The following WAPL variants were observed in gnomAD, a reference collection of about 807,000 sequenced individuals.
WAPL encodes the protein WAPL cohesin release factor.
In WAPL, 5 loss-of-function variants were observed where a neutral mutation model predicts 121.0. The ratio of observed to expected loss-of-function variants is 0.04; its 90% confidence interval spans 0.02 to 0.09. WAPL has a LOEUF of 0.09. Ranked by LOEUF, WAPL falls within the 10% of genes least tolerant of loss-of-function variation. The pLI, the probability that WAPL is intolerant of heterozygous loss-of-function variation, is 1.00. For missense variants in WAPL, 999 were observed against 1,410.8 expected (o/e 0.71, Z 4.68); for synonymous variants, 480 against 481.5 (o/e 1.00, Z 0.04).
intron 9 of WAPL, 95 bp from the exon 10 acceptor site, chr10:86,461,382 G>GTAAA: frequency 5.9e-6 from 5 of 851,792 alleles, no homozygotes; most frequent in Non-Finnish European, 9.3e-6. Flanking sequence ...GCTACATGTA[G>GTAAA]TTTAACACCA....
At chr10:86,484,285 C>T (rs1240280692) in intron 4 of WAPL, among the ~76,000 whole-genome samples, 1 of 152,142 alleles carries the variant, frequency 6.6e-6, no homozygotes, top group Admixed American at 6.5e-5. Flanking sequence ...TGCTTGAGCC[C>T]AGGAGTTCAA....
Position 86,460,826 on chromosome 10 carries a change from G to A in WAPL, c.2483-330C>T, listed in dbSNP as rs376882151. ...CCTCCCACATTCAAGCAATTCTCCT[G>A]CCTCAGCCTCCCAAGTAGCTGGGAT... On this transcript the variant is annotated intron_variant, in intron 10 of 18. Coordinates refer to ENST00000298767, the MANE Select transcript of WAPL (RefSeq NM_015045.5). Among the ~76,000 whole-genome samples the A allele has an allele frequency of 3.9e-5, 6 of 152,024 alleles. No individual in the cohort carries two copies. In the East Asian group the frequency reaches 9.7e-4, roughly 25 times the overall value.
rs2288361 is a variant in WAPL, at chr10:86,471,128, G to T, written c.2031-25C>A. The T allele has an allele frequency of 1.5e-4, 241 of 1,601,354 alleles. No homozygotes were observed. In the African/African-American group the frequency reaches 2.5e-3, roughly 16 times the overall value. ...ACTACAAGAAAATAGAGCAGGTTAG[G>T]GGGGCTGGAAACAGCTAGTACATTA... On this transcript the variant is annotated intron_variant, in intron 7 of 18. Transcript: ENST00000298767.
rs374062204 is a variant in WAPL, at chr10:86,461,213, G to C, written c.2445C>G (p.Leu815=). The change falls in exon 10 of 19, where the codon CTC becomes CTG. Residue 815 remains leucine, a synonymous_variant. Coordinates refer to ENST00000298767, the MANE Select transcript of WAPL (RefSeq NM_015045.5). ...TATGATCCAGACCACCCAAAAGCCGGAGTTCTTCTTTAAACCAGTCTCCTG... is the reference window on the plus strand; with the variant it reads ...TATGATCCAGACCACCCAAAAGCCGCAGTTCTTCTTTAAACCAGTCTCCTG... The part of the protein sequence containing the change: ...KRAGDWFKEE[L]RLLGGLDHIV... The C allele has an allele frequency of 6.2e-7, 1 of 1,613,570 alleles. No individual in the cohort carries two copies. The highest frequency in any genetic ancestry group is 1.3e-5 in the African/African-American group (1 of 74,876).
Position 86,472,483 on chromosome 10 carries a change from T to C in WAPL, c.1893+129A>G. ...AATATTTTTAGAACAAGGATGATGG[T>C]AGGACAAAAGAAGTTTGTGGTTCAA... On this transcript the variant is annotated intron_variant, in intron 6 of 18. Coordinates refer to ENST00000298767, the MANE Select transcript of WAPL (RefSeq NM_015045.5). This position sits in a 1 kb window ranked among gnomAD's most constrained non-coding sequence, Gnocchi z 4.2. 2.0e-6 allele frequency: 3 copies of C among 1,503,488 alleles called. No individual in the cohort carries two copies. The highest frequency in any genetic ancestry group is 2.7e-6 in the Non-Finnish European group (3 of 1,120,424). The allele number at this position is 1,503,488 out of a possible 1,614,324, so 93.1% of individuals were successfully genotyped here.
chr10:86,467,864 G>A (rs566769792), intron 8 of WAPL, among the ~76,000 whole-genome samples: 3 of 151,708 alleles, frequency 2.0e-5, no homozygotes, highest in East Asian at 3.9e-4. Flanking sequence ...TTTTTTAGTA[G>A]AGACGGGGTT....
chr10:86,514,197 T>A (rs1262139973), intron 2 of WAPL, among the ~76,000 whole-genome samples: 2 of 152,158 alleles, frequency 1.3e-5, no homozygotes, highest in East Asian at 3.8e-4. Flanking sequence ...ACAAGAGAAA[T>A]GACCAGTTTA....
intron 11 of WAPL, 126 bp from the exon 12 acceptor site, chr10:86,459,191 G>A (rs1410737922): frequency 1.2e-5 from 8 of 675,764 alleles, no homozygotes; most frequent in Non-Finnish European, 1.9e-5. Flanking sequence ...TTACCAAAGG[G>A]AATAATTTCA....
rs558272776 is a variant in WAPL at position 86,437,520 on chromosome 10, C to A, written c.*23G>T. 2.5e-6 allele frequency: 4 copies of A among 1,610,522 alleles called. No homozygotes were observed. The South Asian group carries it at 4.4e-5, about 18-fold the overall frequency. ...TAAGGATAGCTCCAGCATTACCGAGCACCTGAAGCAAAGGTAAAGCAGCTA... is the reference window on the plus strand; with the variant it reads ...TAAGGATAGCTCCAGCATTACCGAGAACCTGAAGCAAAGGTAAAGCAGCTA... On this transcript the variant is annotated 3_prime_UTR_variant, in exon 19 of 19. Transcript: ENST00000298767.
At chr10:86,465,581 G>A (rs1841379137) in intron 9 of WAPL, among the ~76,000 whole-genome samples, 1 of 152,174 alleles carries the variant, frequency 6.6e-6, no homozygotes, top group South Asian at 2.1e-4. Flanking sequence ...TGTAAAATCA[G>A]GTACTTACTG....
At chr10:86,451,874 CAAGAA>C (rs1358901514) in intron 15 of WAPL, 88 bp downstream of exon 15, 9 of 1,425,402 alleles carry the variant, frequency 6.3e-6, no homozygotes, top group South Asian at 1.3e-5. Context: ...AGTGGATGGG[CAAGAA>C]AAGGAGGTAA....
In WAPL at chr10:86,472,835, C is replaced by A; in HGVS notation, c.1741-71G>T. 7.1e-7 allele frequency: 1 copy of A among 1,413,884 alleles called. No homozygotes were observed. The highest frequency in any genetic ancestry group is 9.4e-7 in the Non-Finnish European group (1 of 1,062,880). 87.6% of individuals were successfully genotyped at this position (1,413,884 alleles called of 1,614,324 possible). On this transcript the variant is annotated intron_variant, in intron 5 of 18. Transcript: ENST00000298767. This position sits in a 1 kb window ranked among gnomAD's most constrained non-coding sequence, Gnocchi z 4.2. ...AAATAGGAACGTCTCATCTATCTGGCAAATTCAGCTTCAAAAAAAAGTAAA... is the reference window on the plus strand; with the variant it reads ...AAATAGGAACGTCTCATCTATCTGGAAAATTCAGCTTCAAAAAAAAGTAAA...
chr10:86,443,558 A>C, intron 16 of WAPL, 195 bp from the exon 17 acceptor site: 1 of 492,990 alleles, frequency 2.0e-6, no homozygotes, highest in Non-Finnish European at 3.6e-6. Context: ...CTGAAACCAT[A>C]AAACTTTTAG....
At position 86,472,413 on chromosome 10, in the gene WAPL, GTACTT is replaced by G. The variant is rs1322633076; in HGVS notation, c.1894-74_1894-70del. 10 of 1,557,458 alleles carry G rather than the reference GTACTT, an allele frequency of 6.4e-6. No individual in the cohort carries two copies. The highest frequency in any genetic ancestry group is 7.8e-6 in the Non-Finnish European group (9 of 1,158,322). ...GCATATTTAAATCTATGGGCTCACTGTACTTTACATAAGTGCATAAAATAGTTCAT... is the reference window on the plus strand; with the variant it reads ...GCATATTTAAATCTATGGGCTCACTGTACATAAGTGCATAAAATAGTTCAT... On this transcript the variant is annotated intron_variant, in intron 6 of 18. Coordinates refer to ENST00000298767, the MANE Select transcript of WAPL (RefSeq NM_015045.5). The surrounding 1 kb of genome is among the most constrained non-coding windows in gnomAD (Gnocchi z 4.2).
intron 12 of WAPL, among the ~76,000 whole-genome samples, chr10:86,456,401 T>C: frequency 8.3e-6 from 1 of 121,058 alleles, no homozygotes; most frequent in East Asian, 2.8e-4. Context: ...AACTTTATGA[T>C]ACCAAAAAAA....
chr10:86,508,311 C>T (rs1257752446), intron 2 of WAPL, among the ~76,000 whole-genome samples: 1 of 152,152 alleles, frequency 6.6e-6, no homozygotes, highest in Non-Finnish European at 1.5e-5. Context: ...CTATAAACCA[C>T]CTTCTCTTAT....
chr10:86,436,876 G>A lies in WAPL; in HGVS notation c.*667C>T, dbSNP rs1322332022. The A allele has an allele frequency of 4.6e-5, 7 of 152,408 alleles. No homozygotes were observed. Among genetic ancestry groups the A allele is most frequent in the Admixed American group, 4.6e-4 (7 of 15,248 alleles). 9.4% of individuals were successfully genotyped at this position (152,408 alleles called of 1,614,324 possible). ...TGGTATGATATTGAATATGGTTGTG[G>A]TCTCAAAAGTAAAAAATAGTTCAAT... On this transcript the variant is annotated 3_prime_UTR_variant, in exon 19 of 19. Coordinates refer to ENST00000298767, the MANE Select transcript of WAPL (RefSeq NM_015045.5).
At chr10:86,447,974 G>T (rs983027347) in intron 15 of WAPL, among the ~76,000 whole-genome samples, 15 of 152,136 alleles carry the variant, frequency 9.9e-5, no homozygotes, top group Admixed American at 6.5e-4. Flanking sequence ...CTGGAACCTG[G>T]GAGTCAGGGG....
intron 11 of WAPL, among the ~76,000 whole-genome samples, chr10:86,459,786 T>C (rs998847465): frequency 2.6e-5 from 4 of 152,202 alleles, no homozygotes; most frequent in East Asian, 1.9e-4. Context: ...ACAAACAATG[T>C]AGTCAAGTAG....
Sources: gnomAD v4.1 joint callset for allele counts (sites outside exome capture counted in the v4.1 genomes callset) on GRCh38, gnomAD v4.1.1 for gene constraint, Gnocchi (gnomAD v3.1) non-coding constraint, MANE v1.5 for transcripts, NCBI Gene and HGNC (gene_info 2026-07-23, HGNC 2026-07-21) for gene names.